CACNA1A: variants seen among roughly 807,000 people sequenced by gnomAD.
CACNA1A encodes the protein calcium voltage-gated channel subunit alpha1 A.
CACNA1A carries 57 observed loss-of-function variants against 262.4 expected under a neutral mutation model. That is an observed-to-expected ratio of 0.22 (90% confidence interval 0.18 to 0.27). CACNA1A has a LOEUF of 0.27. CACNA1A is among the 10% of genes least tolerant of loss of function. CACNA1A has a pLI of 1.00. For missense variants in CACNA1A, 2,526 were observed against 3,562.8 expected (o/e 0.71, Z 7.41); for synonymous variants, 1,431 against 1,419.3 (o/e 1.01, Z -0.18).
At chr19:13,339,500 T>C (rs2058639286) in intron 6 of CACNA1A, among the ~76,000 whole-genome samples, 1 of 152,094 alleles carries the variant, frequency 6.6e-6, no homozygotes, top group Non-Finnish European at 1.5e-5. Flanking sequence ...TTCACGAAAC[T>C]GTATCCTTAA....
chr19:13,418,719 C>T (rs2060267093), intron 3 of CACNA1A, among the ~76,000 whole-genome samples: 1 of 151,966 alleles, frequency 6.6e-6, no homozygotes, highest in Admixed American at 6.6e-5. Flanking sequence ...CTATGGCCTC[C>T]AAAACAGTGA....
rs77014472 is a variant in CACNA1A, at chr19:13,365,680, T to C, written c.632-211A>G. ...AACAACACTTCCTAGGTTTTTTTTT[T>C]CCTTTGAGACAGGGTTTTGCACTGC... is the stretch of plus-strand genomic sequence containing the variant. On this transcript the variant is annotated intron_variant, in intron 4 of 46. Coordinates refer to ENST00000360228, the MANE Select transcript of CACNA1A (RefSeq NM_001127222.2). 1.0e-5 allele frequency: 5 copies of C among 495,064 alleles called. No homozygotes were observed. In the South Asian group the frequency reaches 1.6e-4, roughly 16 times the overall value. The allele number at this position is 495,064 out of a possible 1,614,324, so 30.7% of individuals were successfully genotyped here.
chr19:13,261,196 T>C (rs1285095930), intron 26 of CACNA1A: 3 of 440,036 alleles, frequency 6.8e-6, no homozygotes, highest in South Asian at 4.2e-5. Flanking sequence ...TGTGTATTAA[T>C]ATCCCTCACA....
At chr19:13,503,307 G>C in intron 1 of CACNA1A, among the ~76,000 whole-genome samples, 1 of 152,042 alleles carries the variant, frequency 6.6e-6, no homozygotes, top group Non-Finnish European at 1.5e-5. Context: ...TATGGGGAGG[G>C]GGACTTCCAG....
chr19:13,308,179 A>G lies in CACNA1A; in HGVS notation c.1854T>C (p.Phe618=). 6.2e-7 allele frequency: 1 copy of G among 1,613,988 alleles called. No homozygotes were observed. The highest frequency in any genetic ancestry group is 8.5e-7 in the Non-Finnish European group (1 of 1,179,874). Residue 618 remains phenylalanine (F), a synonymous_variant, in exon 14 of 47, where the codon TTT becomes TTC. Transcript: ENST00000360228. This position sits in a 1 kb window ranked among gnomAD's most constrained non-coding sequence, Gnocchi z 4.2. ...NSMKSIISLL[F]LLFLFIVVFA... ...AGACGACAATGAACAGGAAAAGGAG[A>G]AACAACAGGCTGATGATGGACTTCA...
At chr19:13,360,971 G>A (rs1200659034) in intron 5 of CACNA1A, among the ~76,000 whole-genome samples, 1 of 151,958 alleles carries the variant, frequency 6.6e-6, no homozygotes, top group Non-Finnish European at 1.5e-5. Context: ...CAAACTTTAT[G>A]GTCCATAATA....
chr19:13,389,351 A>G (rs959310767), intron 3 of CACNA1A, among the ~76,000 whole-genome samples: 3 of 151,976 alleles, frequency 2.0e-5, no homozygotes, highest in Non-Finnish European at 1.5e-5. Flanking sequence ...AGCTCCCCTT[A>G]TATAGATGGT....
At position 13,505,969 on chromosome 19, in the gene CACNA1A, C is replaced by A. The variant is rs1205659362; in HGVS notation, c.256G>T (p.Val86Leu). Residue 86 changes from valine to leucine, a missense_variant, in exon 1 of 47, where the codon GTG (valine) becomes TTG (leucine). By Grantham distance (32) the Val-to-Leu change is conservative (BLOSUM62 1). Coordinates refer to ENST00000360228, the MANE Select transcript of CACNA1A (RefSeq NM_001127222.2). The stretch of plus-strand genomic sequence containing the variant: ...ATCTTTTTGGCGTATTTTCTCACCA[C>A]GTTGTCTTCGCTGAAGAGGAAGAGA... ...RSLFLFSEDN[V>L]VRKYAKKITE... The A allele has an allele frequency of 6.2e-7, 1 of 1,613,856 alleles. No homozygotes were observed. The highest frequency in any genetic ancestry group is 1.1e-5 in the South Asian group (1 of 91,014).
intron 20 of CACNA1A, 21 bp downstream of exon 20, chr19:13,286,482 T>G: frequency 8.4e-7 from 1 of 1,188,068 alleles, no homozygotes; most frequent in Non-Finnish European, 1.2e-6. Context: ...TGCCCAGTGA[T>G]GTGAGAGCAG....
At chr19:13,445,574 T>A (rs17777810) in intron 3 of CACNA1A, among the ~76,000 whole-genome samples, 2 of 151,924 alleles carry the variant, frequency 1.3e-5, no homozygotes, top group Non-Finnish European at 2.9e-5. Context: ...AGAAAAAAAA[T>A]TGTGCTCACC....
At chr19:13,343,158 G>A (rs2145175006) in intron 6 of CACNA1A, among the ~76,000 whole-genome samples, 1 of 148,580 alleles carries the variant, frequency 6.7e-6, no homozygotes, top group South Asian at 2.1e-4. Context: ...GTCTTGCTCT[G>A]TTGCCCAGGC....
chr19:13,411,093 C>T (rs2060102146), intron 3 of CACNA1A, among the ~76,000 whole-genome samples: 1 of 152,152 alleles, frequency 6.6e-6, no homozygotes, highest in African/African-American at 2.4e-5. Flanking sequence ...TAGGCTGGTG[C>T]AAAGGTTATT....
intron 22 of CACNA1A, among the ~76,000 whole-genome samples, chr19:13,278,891 G>A (rs1026240920): frequency 1.3e-5 from 2 of 152,104 alleles, no homozygotes; most frequent in African/African-American, 4.8e-5. Context: ...TTCCTGGAGG[G>A]AGGGGCTGGT....
chr19:13,354,858 C>CTTTTCT (rs1200441562), intron 6 of CACNA1A, among the ~76,000 whole-genome samples: 137 of 138,752 alleles, frequency 9.9e-4, no homozygotes, highest in Admixed American at 1.5e-3. Flanking sequence ...AGGGAGGATG[C>CTTTTCT]TTTTCTTTTT....
chr19:13,349,155 A>AC (rs1279806971), intron 6 of CACNA1A, among the ~76,000 whole-genome samples: 1 of 152,138 alleles, frequency 6.6e-6, no homozygotes, highest in Non-Finnish European at 1.5e-5. Context: ...TTGGCAGGTC[A>AC]CGTCACCCTG....
chr19:13,266,064 G>A (rs1205550161), intron 24 of CACNA1A, among the ~76,000 whole-genome samples: 1 of 152,036 alleles, frequency 6.6e-6, no homozygotes, highest in Admixed American at 6.6e-5. Context: ...GGCTGGTCTC[G>A]AACTCCCGAC....
intron 5 of CACNA1A, among the ~76,000 whole-genome samples, chr19:13,361,327 G>GC (rs1458715520): frequency 3.9e-5 from 6 of 152,182 alleles, no homozygotes; most frequent in Non-Finnish European, 4.4e-5. Context: ...TGGCAGTCAG[G>GC]CTGAACGCTA....
Position 13,402,855 on chromosome 19 carries a change from T to TAC in CACNA1A, c.540-31077_540-31076insGT, listed in dbSNP as rs1432879896. Among the ~76,000 whole-genome samples, 94 of 72,688 alleles carry TAC rather than the reference T, an allele frequency of 1.3e-3. 1 individual carries two copies. The highest frequency in any genetic ancestry group is 2.4e-3 in the Admixed American group (12 of 4,958). 47.7% of individuals were successfully genotyped at this position (72,688 alleles called of 152,430 possible). ...ATATACATATATATACACATATATA[T>TAC]ATACACACACACACACACATATATA... On this transcript the variant is annotated intron_variant, in intron 3 of 46. Transcript: ENST00000360228.
At chr19:13,320,402 C>A (rs1471208491) in intron 10 of CACNA1A, among the ~76,000 whole-genome samples, 1 of 152,202 alleles carries the variant, frequency 6.6e-6, no homozygotes, top group Non-Finnish European at 1.5e-5. Context: ...AACCACACTT[C>A]CTACCTCAAA....
Sources: gnomAD v4.1 joint callset for allele counts (sites outside exome capture counted in the v4.1 genomes callset) on GRCh38, gnomAD v4.1.1 for gene constraint, Gnocchi (gnomAD v3.1) non-coding constraint, MANE v1.5 for transcripts, NCBI Gene and HGNC (gene_info 2026-07-23, HGNC 2026-07-21) for gene names.